The following ZNF385B variants were observed in gnomAD, a reference collection of about 807,000 sequenced individuals.
The protein encoded by ZNF385B is zinc finger protein 385B, also known as zinc finger protein 533.
ZNF385B carries 23 observed loss-of-function variants against 39.2 expected under a neutral mutation model. The ratio of observed to expected loss-of-function variants is 0.59; its 90% confidence interval spans 0.42 to 0.83. The LOEUF is 0.83. Among genes scored for constraint, ZNF385B ranks in the 40% least tolerant of loss-of-function variants. The pLI is 0.00. For synonymous variants in ZNF385B, 205 were observed against 222.6 expected (o/e 0.92, Z 0.70); for missense variants, 552 against 598.9 (o/e 0.92, Z 0.82).
intron 5 of ZNF385B, among the ~76,000 whole-genome samples, chr2:179,516,726 A>G (rs2058114003): frequency 6.6e-6 from 1 of 152,050 alleles, no homozygotes; most frequent in Admixed American, 6.5e-5. Flanking sequence ...GAACAGTGTA[A>G]AAGTGTCTCT....
At chr2:179,666,644 C>CT (rs35662772) in intron 3 of ZNF385B, among the ~76,000 whole-genome samples, 329 of 148,550 alleles carry the variant, frequency 2.2e-3, no homozygotes, top group Middle Eastern at 0.01. Context: ...GGAAAATCAT[C>CT]TTTTTTTTTT....
rs189124800 is a variant in ZNF385B at position 179,668,970 on chromosome 2, G to C, written c.298+100533C>G. ...ACAAAAGGAAAGCTTAAAAAGTATA[G>C]TAAAAAGAATATCAAGGTACAGCTT... On this transcript the variant is annotated intron_variant, in intron 3 of 9. Coordinates refer to ENST00000410066, the MANE Select transcript of ZNF385B (RefSeq NM_152520.6). Among the ~76,000 whole-genome samples, 36 of 152,246 alleles carry C rather than the reference G, an allele frequency of 2.4e-4. No individual in the cohort carries two copies. In the East Asian group the frequency reaches 6.0e-3, roughly 25 times the overall value.
intron 3 of ZNF385B, among the ~76,000 whole-genome samples, chr2:179,635,382 G>C (rs935465103): frequency 6.8e-6 from 1 of 147,870 alleles, no homozygotes; most frequent in African/African-American, 2.5e-5. Context: ...GGGCCTGTTG[G>C]GGGGTGGGGG....
At chr2:179,662,231 T>C (rs1694572637) in intron 3 of ZNF385B, among the ~76,000 whole-genome samples, 1 of 152,194 alleles carries the variant, frequency 6.6e-6, no homozygotes, top group Non-Finnish European at 1.5e-5. Context: ...GGCCCAGCAA[T>C]GCAGCTAACT....
In ZNF385B at chr2:179,768,698, A is replaced by G. The variant is rs1703844774; in HGVS notation, c.298+805T>C. Among the ~76,000 whole-genome samples the G allele has an allele frequency of 2.6e-5, 4 of 152,342 alleles. No individual in the cohort carries two copies. The South Asian group carries it at 6.2e-4, about 24-fold the overall frequency. On this transcript the variant is annotated intron_variant, in intron 3 of 9. Transcript: ENST00000410066. ...TGGGAGGAAGACTGTCTTTTGTAGAAATCTTCACCATGGATAACAATAAAT... is the reference window on the plus strand; with the variant it reads ...TGGGAGGAAGACTGTCTTTTGTAGAGATCTTCACCATGGATAACAATAAAT...
intron 1 of ZNF385B, among the ~76,000 whole-genome samples, chr2:179,812,558 G>T (rs1040534062): frequency 1.5e-4 from 23 of 152,126 alleles, no homozygotes; most frequent in Non-Finnish European, 2.9e-4. Flanking sequence ...ACCAAACATT[G>T]CATGTTCTCA....
intron 3 of ZNF385B, among the ~76,000 whole-genome samples, chr2:179,683,335 A>G (rs1697675109): frequency 6.6e-6 from 1 of 152,008 alleles, no homozygotes; most frequent in Non-Finnish European, 1.5e-5. Context: ...GGTTTCAGTG[A>G]GTCGAGATCA....
intron 1 of ZNF385B, among the ~76,000 whole-genome samples, chr2:179,800,324 G>A (rs2106553502): frequency 6.6e-6 from 1 of 152,042 alleles, no homozygotes; most frequent in East Asian, 1.9e-4. Context: ...ATAAAGCAAT[G>A]GGAATAAATA....
intron 1 of ZNF385B, among the ~76,000 whole-genome samples, chr2:179,817,514 A>ATAAT (rs2106576475): frequency 6.6e-6 from 1 of 152,352 alleles, no homozygotes; most frequent in East Asian, 1.9e-4. Context: ...ATCACATGAA[A>ATAAT]TAATTGGTCT....
At chr2:179,524,439 C>A (rs1323224967) in intron 4 of ZNF385B, among the ~76,000 whole-genome samples, 1 of 151,078 alleles carries the variant, frequency 6.6e-6, no homozygotes, top group Admixed American at 6.6e-5. Context: ...GTAGTCCCAG[C>A]TACTCGGGAG....
At chr2:179,474,141 A>C (rs13006346) in intron 6 of ZNF385B, among the ~76,000 whole-genome samples, 153 of 152,192 alleles carry the variant, frequency 1.0e-3, no homozygotes, top group Non-Finnish European at 1.5e-3. Flanking sequence ...TAGGGTAGGG[A>C]AAGAAACACA....
chr2:179,814,681 C>T (rs780592569), intron 1 of ZNF385B: 68 of 332,246 alleles, frequency 2.0e-4, no homozygotes, highest in Non-Finnish European at 2.1e-4. Context: ...ACTGAAGCGC[C>T]CTCAGGCTGT....
intron 3 of ZNF385B, among the ~76,000 whole-genome samples, chr2:179,547,155 C>T (rs908637406): frequency 2.0e-5 from 3 of 149,382 alleles, no homozygotes; most frequent in Non-Finnish European, 4.4e-5. Flanking sequence ...ATATTTTCTC[C>T]CATTCTGTGG....
chr2:179,732,032 T>C (rs1476528579), intron 3 of ZNF385B, among the ~76,000 whole-genome samples: 1 of 152,228 alleles, frequency 6.6e-6, no homozygotes, highest in Non-Finnish European at 1.5e-5. Flanking sequence ...CTTTTTTGGA[T>C]TAAGATCGCT....
intron 3 of ZNF385B, among the ~76,000 whole-genome samples, chr2:179,744,575 T>G (rs1702270440): frequency 6.6e-6 from 1 of 152,098 alleles, no homozygotes; most frequent in Non-Finnish European, 1.5e-5. Context: ...TAGCCAAGCT[T>G]TACGTGTACT....
At chr2:179,853,178 A>T (rs1241038852) in intron 1 of ZNF385B, among the ~76,000 whole-genome samples, 2 of 152,194 alleles carry the variant, frequency 1.3e-5, no homozygotes, top group Non-Finnish European at 2.9e-5. Flanking sequence ...AATGCCTATG[A>T]ACCCAGGAGA....
At chr2:179,452,442 G>T (rs1415970342) in intron 6 of ZNF385B, among the ~76,000 whole-genome samples, 1 of 151,950 alleles carries the variant, frequency 6.6e-6, no homozygotes, top group Non-Finnish European at 1.5e-5. Flanking sequence ...GCTCTAAAAA[G>T]AAGTTTTAAG....
chr2:179,815,794 A>G (rs981526422), intron 1 of ZNF385B, among the ~76,000 whole-genome samples: 32 of 152,238 alleles, frequency 2.1e-4, no homozygotes, highest in African/African-American at 7.2e-4. Flanking sequence ...CATTCTTGAA[A>G]ATTATAATGT....
intron 5 of ZNF385B, among the ~76,000 whole-genome samples, chr2:179,497,550 A>T (rs1422147339): frequency 6.6e-6 from 1 of 152,050 alleles, no homozygotes; most frequent in Non-Finnish European, 1.5e-5. Context: ...CAAAAAAAAA[A>T]TACAATGAAT....
Sources: gnomAD v4.1 joint callset for allele counts (sites outside exome capture counted in the v4.1 genomes callset) on GRCh38, gnomAD v4.1.1 for gene constraint, MANE v1.5 for transcripts, NCBI Gene and HGNC (gene_info 2026-07-23, HGNC 2026-07-21) for gene names.